Variants in ABRAXAS2 observed in about 807,000 individuals in gnomAD.
The protein encoded by ABRAXAS2 is abraxas 2, BRISC complex subunit.
In ABRAXAS2, 23 loss-of-function variants were observed where a neutral mutation model predicts 49.0. The ratio of observed to expected loss-of-function variants is 0.47; its 90% CI spans 0.34 to 0.66. ABRAXAS2 has a LOEUF of 0.66. Among genes scored for constraint, ABRAXAS2 ranks in the 30% least tolerant of loss-of-function variants. The pLI, the probability that ABRAXAS2 is intolerant of heterozygous loss-of-function variation, is 0.01. For synonymous variants in ABRAXAS2, 168 were observed against 180.2 expected, an observed-to-expected ratio of 0.93 and a Z score of 0.54; for missense variants, 443 against 511.9, an observed-to-expected ratio of 0.87 and a Z score of 1.30.
chr10:124,835,745 A>G lies in ABRAXAS2; in HGVS notation c.*774A>G, dbSNP rs1554926341. 1.3e-5 allele frequency: 2 copies of G among 152,242 alleles called. No individual in the cohort carries two copies. The highest frequency in any genetic ancestry group is 2.9e-5 in the Non-Finnish European group (2 of 68,036). 9.4% of individuals were successfully genotyped at this position (152,242 alleles called of 1,614,324 possible). ...TCTGTTCTGGAATCTTGGAGGACAC[A>G]CAGCAGTGGAGAACAGAAGGAGTGA... On this transcript the variant is annotated 3_prime_UTR_variant, in exon 9 of 9. Transcript: ENST00000298492.
At chr10:124,803,825 C>T (rs145246068) in intron 1 of ABRAXAS2, among the ~76,000 whole-genome samples, 2,572 of 152,234 alleles carry the variant, frequency 0.017, 39 homozygotes, top group Non-Finnish European at 0.022. Context: ...CGCTTGAACC[C>T]GGGAGGCAAA....
At chr10:124,804,674 GTT>G (rs35190235) in intron 1 of ABRAXAS2, among the ~76,000 whole-genome samples, 26 of 140,806 alleles carry the variant, frequency 1.8e-4, no homozygotes, top group Admixed American at 8.6e-4. Context: ...ATCTCAGAGA[GTT>G]TTTTTTTTTT....
At chr10:124,803,603 T>C (rs1950721120) in intron 1 of ABRAXAS2, among the ~76,000 whole-genome samples, 1 of 152,150 alleles carries the variant, frequency 6.6e-6, no homozygotes, top group Non-Finnish European at 1.5e-5. Context: ...CAATAAAAGA[T>C]TCAAGTGACT....
At position 124,809,629 on chromosome 10, in the gene ABRAXAS2, A is replaced by G. The variant is rs186597245; in HGVS notation, c.163+2708A>G. On this transcript the variant is annotated intron_variant, in intron 2 of 8. Coordinates refer to ENST00000298492, the MANE Select transcript of ABRAXAS2 (RefSeq NM_032182.4). ...GTTAGGTCAGGATTAAGGGGAATCA[A>G]GAGGCTGAACTACCTCCTAATGCAG... is the stretch of plus-strand genomic sequence containing the variant. Among the ~76,000 whole-genome samples the G allele has an allele frequency of 1.1e-4, 16 of 152,270 alleles. No individual in the cohort carries two copies. The East Asian group carries it at 2.7e-3, about 26-fold the overall frequency.
Position 124,834,641 on chromosome 10 carries a change from C to G in ABRAXAS2, c.918C>G (p.Pro306=). The G allele has an allele frequency of 6.2e-7, 1 of 1,614,156 alleles. No homozygotes were observed. The highest frequency in any genetic ancestry group is 8.5e-7 in the Non-Finnish European group (1 of 1,180,036). Residue 306 remains proline (P), a synonymous_variant, in exon 9 of 9, where the codon CCC becomes CCG. Coordinates refer to ENST00000298492, the MANE Select transcript of ABRAXAS2 (RefSeq NM_032182.4). ...ATGCAGAGGCCTCGGATCCTCCTCC[C>G]CCTTACTCTGATTTTCACCCAAACA... is the stretch of plus-strand genomic sequence containing the variant. ...LGDAEASDPP[P]PYSDFHPNNQ...
At chr10:124,803,765 G>A (rs1950722367) in intron 1 of ABRAXAS2, among the ~76,000 whole-genome samples, 1 of 152,234 alleles carries the variant, frequency 6.6e-6, no homozygotes, top group Non-Finnish European at 1.5e-5. Flanking sequence ...GCCAGGCGTG[G>A]TGGCACATGC....
rs141606009 is a variant in ABRAXAS2, at chr10:124,822,922, T to C, written c.267+3472T>C. ...ACAGAAGGCCACTCGTTGGTTGCTA[T>C]CTAGAGTTGACTGCTTTTTCTGCGG... On this transcript the variant is annotated intron_variant, in intron 4 of 8. Transcript: ENST00000298492. Among the ~76,000 whole-genome samples, 235 of 152,336 alleles carry C rather than the reference T, an allele frequency of 1.5e-3. 1 individual carries two copies. The highest frequency in any genetic ancestry group is 4.8e-3 in the African/African-American group (198 of 41,578).
At chr10:124,808,092 T>C (rs1190968401) in intron 2 of ABRAXAS2, among the ~76,000 whole-genome samples, 1 of 152,152 alleles carries the variant, frequency 6.6e-6, no homozygotes, top group East Asian at 1.9e-4. Context: ...CATAGTCCTT[T>C]CAGGTACACT....
chr10:124,828,489 C>G (rs780761046), intron 5 of ABRAXAS2, among the ~76,000 whole-genome samples: 1 of 152,052 alleles, frequency 6.6e-6, no homozygotes, highest in African/African-American at 2.4e-5. Context: ...CTCAGCCTCC[C>G]GAGTAGCTGA....
At chr10:124,823,303 G>T (rs1415957406) in intron 4 of ABRAXAS2, among the ~76,000 whole-genome samples, 1 of 152,122 alleles carries the variant, frequency 6.6e-6, no homozygotes, top group Non-Finnish European at 1.5e-5. Flanking sequence ...CAAAAGGGTG[G>T]TTATATGACC....
chr10:124,818,703 G>A (rs2134165295), intron 3 of ABRAXAS2, among the ~76,000 whole-genome samples: 1 of 152,292 alleles, frequency 6.6e-6, no homozygotes, highest in African/African-American at 2.4e-5. Flanking sequence ...ATGTCCAGTA[G>A]TAGAGGAGGC....
chr10:124,812,057 G>A (rs185835649), intron 2 of ABRAXAS2, among the ~76,000 whole-genome samples: 28 of 152,292 alleles, frequency 1.8e-4, no homozygotes, highest in Admixed American at 1.5e-3. Flanking sequence ...GATTACAGGC[G>A]TAAGCCACCA....
At chr10:124,816,505 T>A in intron 2 of ABRAXAS2, 71 bp from the exon 3 acceptor site, 1 of 1,032,804 alleles carries the variant, frequency 9.7e-7, no homozygotes, top group African/African-American at 1.6e-5. Context: ...AAAAAAAAAG[T>A]CCTGAGCTAT....
At chr10:124,833,944 G>A (rs922986770) in intron 8 of ABRAXAS2, among the ~76,000 whole-genome samples, 12 of 152,152 alleles carry the variant, frequency 7.9e-5, no homozygotes, top group African/African-American at 2.9e-4. Context: ...CTATAAAGGC[G>A]TATAAGTGTA....
chr10:124,829,739 C>A (rs1456608324), intron 7 of ABRAXAS2, among the ~76,000 whole-genome samples: 2 of 152,104 alleles, frequency 1.3e-5, no homozygotes, highest in Admixed American at 6.6e-5. Flanking sequence ...AGTAGTTTTG[C>A]TAGGAAAATG....
chr10:124,802,036 G>A lies in ABRAXAS2; in HGVS notation c.72+135G>A, dbSNP rs560702444. 37 of 806,498 alleles carry A rather than the reference G, an allele frequency of 4.6e-5. No individual in the cohort carries two copies. In the South Asian group the frequency reaches 6.2e-4, roughly 14 times the overall value. 50.0% of individuals were successfully genotyped at this position (806,498 alleles called of 1,614,324 possible). A position where few individuals can be genotyped will look rare whatever the true frequency, so the allele number is the denominator to read the frequency against. ...GCCGGCCGGAGGAGCTGGTGACCCGGGCGGCTCCCGCCCCCGGTGAGCTCT... is the reference window on the plus strand; with the variant it reads ...GCCGGCCGGAGGAGCTGGTGACCCGAGCGGCTCCCGCCCCCGGTGAGCTCT... On this transcript the variant is annotated intron_variant, in intron 1 of 8. Coordinates refer to ENST00000298492, the MANE Select transcript of ABRAXAS2 (RefSeq NM_032182.4).
chr10:124,806,846 G>C lies in ABRAXAS2; in HGVS notation c.88G>C (p.Gly30Arg). ...TTACTTTTAGGAAGGATTTTTACTG[G>C]GAGAGGTAAGACAAGAGGAAACGTT... is the stretch of plus-strand genomic sequence containing the variant. ...SNADHEGFLL[G>R]EVRQEETFSI... is the part of the protein sequence containing the mutation. The change falls in exon 2 of 9, where the codon GGA (glycine) becomes CGA (arginine). Residue 30 changes from glycine to arginine, a missense_variant. By Grantham distance (125) the Gly-to-Arg change is moderately radical (BLOSUM62 -2). Transcript: ENST00000298492. 1 of 1,602,062 alleles carries C rather than the reference G, an allele frequency of 6.2e-7. No individual in the cohort carries two copies. Among genetic ancestry groups the C allele is most frequent in the Non-Finnish European group, 8.5e-7 (1 of 1,173,774 alleles).
At chr10:124,810,941 CG>C (rs1384544405) in intron 2 of ABRAXAS2, among the ~76,000 whole-genome samples, 4 of 149,036 alleles carry the variant, frequency 2.7e-5, no homozygotes, top group Non-Finnish European at 4.5e-5. Flanking sequence ...CTAAAACAGC[CG>C]GGCGTGGTGG....
chr10:124,821,449 C>T (rs113621179), intron 4 of ABRAXAS2, among the ~76,000 whole-genome samples: 8 of 151,960 alleles, frequency 5.3e-5, no homozygotes, highest in African/African-American at 1.9e-4. Flanking sequence ...GCCTCTTGTC[C>T]CAGGTACTCA....
Sources: allele counts gnomAD v4.1 joint callset (sites outside exome capture counted in the v4.1 genomes callset), GRCh38; gene constraint gnomAD v4.1.1; transcripts MANE v1.5; gene names NCBI Gene and HGNC (gene_info 2026-07-23, HGNC 2026-07-21).